Variants in PCDHA4 observed in about 807,000 individuals in gnomAD.
The protein encoded by PCDHA4 is protocadherin alpha-4.
PCDHA4 carries 49 observed loss-of-function variants against 61.4 expected under a neutral mutation model. The observed-to-expected ratio is 0.80, with a 90% confidence interval of 0.63 to 1.01. The LOEUF is 1.01. PCDHA4 is among the 50% of genes least tolerant of loss of function. PCDHA4 has a pLI of 0.00. For synonymous variants in PCDHA4, 590 were observed against 550.3 expected, an observed-to-expected ratio of 1.07 and a Z score of -1.01; for missense variants, 1,254 against 1,235.8, an observed-to-expected ratio of 1.01 and a Z score of -0.22.
At chr5:140,929,174 G>A (rs782544510) in intron 1 of PCDHA4, 2 of 1,614,140 alleles carry the variant, frequency 1.2e-6, no homozygotes, top group East Asian at 4.5e-5. Context: ...GCCTCTCTGG[G>A]ACTTGGTTCT....
chr5:140,988,707 G>A (rs2097310016), intron 3 of PCDHA4, among the ~76,000 whole-genome samples: 1 of 152,106 alleles, frequency 6.6e-6, no homozygotes, highest in African/African-American at 2.4e-5. Context: ...TATTTTCTTG[G>A]ACCTCTCATT....
At chr5:140,970,156 T>G (rs933887683) in intron 1 of PCDHA4, among the ~76,000 whole-genome samples, 1 of 152,188 alleles carries the variant, frequency 6.6e-6, no homozygotes, top group Non-Finnish European at 1.5e-5. Flanking sequence ...CTCCCAATAG[T>G]CACCTTTCTT....
At chr5:140,968,036 A>T in intron 1 of PCDHA4, 1 of 1,614,160 alleles carries the variant, frequency 6.2e-7, no homozygotes, top group Non-Finnish European at 8.5e-7. Context: ...ACTGGTGGTG[A>T]GCGGCCCACT....
Position 140,858,751 on chromosome 5 carries a change from G to A in PCDHA4, c.2385+49179G>A, listed in dbSNP as rs938240146. On this transcript the variant is annotated intron_variant, in intron 1 of 3. Coordinates refer to ENST00000530339, the MANE Select transcript of PCDHA4 (RefSeq NM_018907.4). ...CGATTTACTTTCATAATCACTTTTC[G>A]TTACAAATATTTGTGAGATTAGTAC... 35 of 456,172 alleles carry A rather than the reference G, an allele frequency of 7.7e-5. 1 individual carries two copies. In the East Asian group the frequency reaches 9.6e-4, roughly 13 times the overall value. 28.3% of individuals were successfully genotyped at this position (456,172 alleles called of 1,614,324 possible).
chr5:140,906,192 C>G (rs2072444836), intron 1 of PCDHA4, among the ~76,000 whole-genome samples: 1 of 152,182 alleles, frequency 6.6e-6, no homozygotes, highest in Non-Finnish European at 1.5e-5. Context: ...TCAATCCAAT[C>G]AAGTTGACAC....
At chr5:140,832,341 G>A (rs1771938364) in intron 1 of PCDHA4, among the ~76,000 whole-genome samples, 1 of 152,184 alleles carries the variant, frequency 6.6e-6, no homozygotes, top group South Asian at 2.1e-4. Flanking sequence ...CTGAGTTGTG[G>A]TTTGTGTTTC....
rs1324543044 is a variant in PCDHA4 at position 140,847,178 on chromosome 5, A to G, written c.2385+37606A>G. ...TTTCTGAGTAATAAACTAAAGGGCC[A>G]TGAGTGATTAAGGAATTTGGCCACT... On this transcript the variant is annotated intron_variant, in intron 1 of 3. Coordinates refer to ENST00000530339, the MANE Select transcript of PCDHA4 (RefSeq NM_018907.4). Among the ~76,000 whole-genome samples the G allele has an allele frequency of 3.3e-5, 5 of 149,760 alleles. 1 individual carries two copies. The highest frequency in any genetic ancestry group is 7.5e-5 in the Non-Finnish European group (5 of 66,876).
At chr5:140,824,013 C>A in intron 1 of PCDHA4, 2 of 1,614,156 alleles carry the variant, frequency 1.2e-6, no homozygotes, top group Non-Finnish European at 1.7e-6. Flanking sequence ...CGGTGGGGAG[C>A]TGGTCGTACT....
Position 140,910,016 on chromosome 5 carries a change from G to C in PCDHA4, c.2386-68933G>C, listed in dbSNP as rs375687025. Among the ~76,000 whole-genome samples the C allele has an allele frequency of 3.5e-4, 54 of 152,290 alleles. No individual in the cohort carries two copies. The South Asian group carries it at 0.011, about 32-fold the overall frequency. ...ATAAATTGTTGTCAGTGTCATCCTT[G>C]TATCCCTGGGATAAATCCCACTTGG... On this transcript the variant is annotated intron_variant, in intron 1 of 3. Coordinates refer to ENST00000530339, the MANE Select transcript of PCDHA4 (RefSeq NM_018907.4).
intron 1 of PCDHA4, chr5:140,823,562 T>C (rs2150126936): frequency 6.2e-7 from 1 of 1,613,920 alleles, no homozygotes; most frequent in Non-Finnish European, 8.5e-7. Flanking sequence ...GTGCGCGCAG[T>C]GGACCCTGAT....
intron 3 of PCDHA4, among the ~76,000 whole-genome samples, chr5:140,991,755 C>T (rs2153897425): frequency 6.6e-6 from 1 of 152,268 alleles, no homozygotes; most frequent in South Asian, 2.1e-4. Context: ...TTCTATCATG[C>T]TCTTCAAAAT....
At chr5:141,008,843 G>A (rs1474787733) in intron 3 of PCDHA4, among the ~76,000 whole-genome samples, 7 of 152,114 alleles carry the variant, frequency 4.6e-5, no homozygotes, top group Non-Finnish European at 1.0e-4. Context: ...CTTACGCTGT[G>A]TATTCCCATC....
At chr5:140,863,032 G>T (rs781870887) in intron 1 of PCDHA4, 2 of 556,874 alleles carry the variant, frequency 3.6e-6, no homozygotes, top group East Asian at 9.4e-5. Context: ...CGCAACAGCT[G>T]CATCTGTCAG....
chr5:140,862,493 C>G, intron 1 of PCDHA4: 1 of 388,776 alleles, frequency 2.6e-6, no homozygotes, highest in East Asian at 6.9e-5. Flanking sequence ...GGTAATCGCT[C>G]GGAATGGGGA....
rs1336398509 is a variant in PCDHA4 at position 140,898,765 on chromosome 5, G to A, written c.2386-80184G>A. On this transcript the variant is annotated intron_variant, in intron 1 of 3. Transcript: ENST00000530339. ...GCTTGATGGGGATGGCATTGAATCT[G>A]TAAATTACCTTGGGCAGTATGGCCA... 8.0e-3 allele frequency among the ~76,000 whole-genome samples: 1,218 copies of A among 151,752 alleles called. 6 individuals are homozygous for A. The highest frequency in any genetic ancestry group is 0.019 in the African/African-American group (786 of 41,220).
intron 1 of PCDHA4, chr5:140,855,801 TGAAA>T: frequency 4.2e-6 from 2 of 474,526 alleles, no homozygotes; most frequent in Non-Finnish European, 7.5e-6. Context: ...AACATATGAA[TGAAA>T]GAAAAGTTGT....
In PCDHA4 at chr5:140,851,034, C is replaced by T. The variant is rs2041932722; in HGVS notation, c.2385+41462C>T. On this transcript the variant is annotated intron_variant, in intron 1 of 3. Coordinates refer to ENST00000530339, the MANE Select transcript of PCDHA4 (RefSeq NM_018907.4). ...TTTTCTGATAAAGTAAACCCCTTAA[C>T]ATTGGAGCCGACTTTGTCTTGACTT... The T allele has an allele frequency of 3.1e-5, 44 of 1,402,710 alleles. 5 individuals are homozygous for T. Among genetic ancestry groups the T allele is most frequent in the Non-Finnish European group, 4.0e-5 (43 of 1,068,930 alleles). 86.9% of individuals were successfully genotyped at this position (1,402,710 alleles called of 1,614,324 possible).
At chr5:140,942,530 T>C (rs963252648) in intron 1 of PCDHA4, among the ~76,000 whole-genome samples, 5 of 151,374 alleles carry the variant, frequency 3.3e-5, no homozygotes, top group Non-Finnish European at 5.9e-5. Flanking sequence ...AGCAACTAAC[T>C]CAGTATGGTG....
chr5:140,858,298 G>A lies in PCDHA4; in HGVS notation c.2385+48726G>A. The A allele has an allele frequency of 1.3e-6, 2 of 1,597,204 alleles. 1 individual carries two copies. Among genetic ancestry groups the A allele is most frequent in the South Asian group, 2.2e-5 (2 of 90,438 alleles). ...CGGTGGGGAGCTGGTCTTACTCGCA[G>A]CAGAGGCGGCAGAGGGTGTGTTCTG... On this transcript the variant is annotated intron_variant, in intron 1 of 3. Transcript: ENST00000530339.
Sources: allele counts gnomAD v4.1 joint callset (sites outside exome capture counted in the v4.1 genomes callset), GRCh38; gene constraint gnomAD v4.1.1; transcripts MANE v1.5; gene names NCBI Gene and HGNC (gene_info 2026-07-23, HGNC 2026-07-21).